The following ERC2 variants were observed in gnomAD, a reference collection of about 807,000 sequenced individuals.
ERC2 encodes the protein ELKS/RAB6-interacting/CAST family member 2, also known as ERC protein 2.
ERC2 carries 42 observed loss-of-function variants against 114.8 expected under a neutral mutation model. The observed-to-expected ratio is 0.37, with a 90% CI of 0.29 to 0.47. The LOEUF is 0.47. ERC2 is among the 20% of genes least tolerant of loss of function. The pLI is 0.99. For synonymous variants in ERC2, 454 were observed against 425.5 expected, an observed-to-expected ratio of 1.07 and a Z score of -0.82; for missense variants, 939 against 1,150.7, an observed-to-expected ratio of 0.82 and a Z score of 2.66.
chr3:56,345,978 A>G lies in ERC2; in HGVS notation c.658-49543T>C, dbSNP rs17288742. 1.0e-3 allele frequency among the ~76,000 whole-genome samples: 153 copies of G among 152,160 alleles called. 1 individual carries two copies. In the East Asian group the frequency reaches 0.022, roughly 22 times the overall value. ...ACTTTCAAAGTCTCACTGTATTTACATTTCAGAGATCTACCCCTTAACTAA... is the reference window on the plus strand; with the variant it reads ...ACTTTCAAAGTCTCACTGTATTTACGTTTCAGAGATCTACCCCTTAACTAA... On this transcript the variant is annotated intron_variant, in intron 2 of 17. Coordinates refer to ENST00000288221, the MANE Select transcript of ERC2 (RefSeq NM_015576.3).
intron 17 of ERC2, among the ~76,000 whole-genome samples, chr3:55,565,288 A>G (rs2056294896): frequency 1.3e-5 from 2 of 152,264 alleles, no homozygotes; most frequent in South Asian, 4.1e-4. Flanking sequence ...CATAAATATT[A>G]GAAACAAATG....
chr3:56,046,952 C>T (rs1172341384), intron 7 of ERC2, among the ~76,000 whole-genome samples: 1 of 152,200 alleles, frequency 6.6e-6, no homozygotes, highest in African/African-American at 2.4e-5. Flanking sequence ...GCCCCAGATT[C>T]ATTCCGCTAG....
intron 6 of ERC2, among the ~76,000 whole-genome samples, chr3:56,100,129 C>T (rs1288071152): frequency 1.3e-5 from 2 of 152,214 alleles, no homozygotes; most frequent in Admixed American, 6.5e-5. Context: ...ACCTATTTCA[C>T]TCTAACATTG....
In ERC2 at chr3:55,612,019, C is replaced by T. The variant is rs147604987; in HGVS notation, c.*39+71775G>A. Among the ~76,000 whole-genome samples, 697 of 152,282 alleles carry T rather than the reference C, an allele frequency of 4.6e-3. 1 individual carries two copies. Among genetic ancestry groups the T allele is most frequent in the Non-Finnish European group, 7.6e-3 (520 of 68,028 alleles). On this transcript the variant is annotated intron_variant, in intron 17 of 17. Coordinates refer to ENST00000288221, the MANE Select transcript of ERC2 (RefSeq NM_015576.3). The stretch of plus-strand genomic sequence containing the variant: ...AATGAAGTTCTCAGGGTACACTCTT[C>T]CTGGCTAAGCAATCCCATCCCAGCC...
intron 13 of ERC2, among the ~76,000 whole-genome samples, chr3:55,945,216 A>G (rs778882833): frequency 6.6e-6 from 1 of 152,088 alleles, no homozygotes; most frequent in Non-Finnish European, 1.5e-5. Context: ...TCCCTAAATC[A>G]CTCTACACCA....
intron 4 of ERC2, among the ~76,000 whole-genome samples, chr3:56,170,580 C>A: frequency 8.9e-6 from 1 of 112,624 alleles, no homozygotes; most frequent in East Asian, 2.7e-4. Flanking sequence ...TAAGAAATCT[C>A]TTCTGTTTTT....
intron 7 of ERC2, among the ~76,000 whole-genome samples, chr3:56,048,348 A>G (rs1016469819): frequency 2.0e-5 from 3 of 152,230 alleles, no homozygotes; most frequent in Admixed American, 1.3e-4. Flanking sequence ...CAAGGGTCAC[A>G]TTGCTACAAG....
intron 14 of ERC2, among the ~76,000 whole-genome samples, chr3:55,756,518 G>A (rs953347543): frequency 6.6e-6 from 1 of 152,140 alleles, no homozygotes; most frequent in African/African-American, 2.4e-5. Context: ...TGTTTTTCCG[G>A]TTAGTTTATC....
intron 2 of ERC2, among the ~76,000 whole-genome samples, chr3:56,372,179 AGGGAGAGCCCTT>A: frequency 6.6e-6 from 1 of 152,346 alleles, no homozygotes; most frequent in South Asian, 2.1e-4. Flanking sequence ...GAGTCCAAAC[AGGGAGAGCCCTT>A]ATATTCTCAC....
chr3:55,952,177 A>ACT lies in ERC2; in HGVS notation c.2268-1618_2268-1617insAG, dbSNP rs1461348892. Among the ~76,000 whole-genome samples, 157 of 38,700 alleles carry ACT rather than the reference A, an allele frequency of 4.1e-3. 1 individual carries two copies. Among genetic ancestry groups the ACT allele is most frequent in the South Asian group, 0.017 (16 of 964 alleles). 25.4% of individuals were successfully genotyped at this position (38,700 alleles called of 152,430 possible). ...CACACACACACACACACACACACAC[A>ACT]CACTCTCTCTCTCTCTCTCTCTATA... On this transcript the variant is annotated intron_variant, in intron 12 of 17. Transcript: ENST00000288221.
Position 56,139,671 on chromosome 3 carries a change from A to C in ERC2, c.1311T>G (p.Asp437Glu). 1 of 1,596,614 alleles carries C rather than the reference A, an allele frequency of 6.3e-7. No individual in the cohort carries two copies. The highest frequency in any genetic ancestry group is 8.5e-7 in the Non-Finnish European group (1 of 1,170,456). The change falls in exon 6 of 18, where the codon GAT becomes GAG. Residue 437 changes from aspartate (D) to glutamate (E), a missense_variant. Coordinates refer to ENST00000288221, the MANE Select transcript of ERC2 (RefSeq NM_015576.3). ...SHSKFMKTKIDQLKQELSKKE... is the reference protein window; with the variant it reads ...SHSKFMKTKIEQLKQELSKKE... Reference sequence around the variant, plus strand: ...TCTTTGAAAGTTCCTGCTTCAGCTGATCAATCTGCAAAACAACAACAAAAT... The same window carrying C: ...TCTTTGAAAGTTCCTGCTTCAGCTGCTCAATCTGCAAAACAACAACAAAAT...
chr3:56,057,147 T>C (rs1182317393), intron 7 of ERC2, among the ~76,000 whole-genome samples: 1 of 152,182 alleles, frequency 6.6e-6, no homozygotes. Context: ...TTAACACTTA[T>C]TTTTTATATT....
In ERC2 at chr3:56,434,820, T is replaced by C. The variant is rs1207111838; in HGVS notation, c.188A>G (p.Tyr63Cys). 1.2e-6 allele frequency: 2 copies of C among 1,613,796 alleles called. No homozygotes were observed. Among genetic ancestry groups the C allele is most frequent in the Non-Finnish European group, 1.7e-6 (2 of 1,179,882 alleles). ...NAAYATSGPM[Y>C]LSDHEGVAST... The stretch of plus-strand genomic sequence containing the variant: ...AGCCACCCCTTCATGATCACTCAGA[T>C]ACATGGGTCCAGACGTAGCATAGGC... The change falls in exon 2 of 18, where the codon TAT becomes TGT. Residue 63 changes from tyrosine to cysteine, a missense_variant. Tyr to Cys is a radical substitution (Grantham distance 194, BLOSUM62 -2). Coordinates refer to ENST00000288221, the MANE Select transcript of ERC2 (RefSeq NM_015576.3).
intron 16 of ERC2, among the ~76,000 whole-genome samples, chr3:55,695,984 C>G (rs2062908606): frequency 1.3e-5 from 2 of 152,128 alleles, no homozygotes; most frequent in African/African-American, 4.8e-5. Flanking sequence ...AGCACTTTCA[C>G]AAAATACTTT....
intron 14 of ERC2, among the ~76,000 whole-genome samples, chr3:55,803,035 A>T (rs1220028887): frequency 3.3e-5 from 5 of 152,182 alleles, no homozygotes; most frequent in Non-Finnish European, 7.3e-5. Flanking sequence ...TCTGAACTCC[A>T]TTGTTCTGAA....
At chr3:55,556,522 A>G (rs895529927) in intron 17 of ERC2, among the ~76,000 whole-genome samples, 5 of 152,156 alleles carry the variant, frequency 3.3e-5, no homozygotes, top group African/African-American at 1.2e-4. Flanking sequence ...ACAGCATCAC[A>G]TTCTCTGGCC....
intron 17 of ERC2, among the ~76,000 whole-genome samples, chr3:55,562,939 C>A (rs1350844879): frequency 2.0e-5 from 3 of 152,142 alleles, no homozygotes; most frequent in African/African-American, 7.2e-5. Context: ...AATAAGCCAT[C>A]CACTGTAGTC....
chr3:55,637,972 G>A (rs2060024697), intron 17 of ERC2, among the ~76,000 whole-genome samples: 1 of 152,154 alleles, frequency 6.6e-6, no homozygotes, highest in South Asian at 2.1e-4. Context: ...CCCAAGGTCA[G>A]AAAGCTAACA....
chr3:56,378,870 T>A (rs1053053510), intron 2 of ERC2, among the ~76,000 whole-genome samples: 1 of 152,162 alleles, frequency 6.6e-6, no homozygotes, highest in Non-Finnish European at 1.5e-5. Context: ...TCGAGAACCC[T>A]GGCCTCTTAA....
Sources: allele counts gnomAD v4.1 joint callset (sites outside exome capture counted in the v4.1 genomes callset), GRCh38; gene constraint gnomAD v4.1.1; transcripts MANE v1.5; gene names NCBI Gene and HGNC (gene_info 2026-07-23, HGNC 2026-07-21).